SLC37A2: variants seen among roughly 807,000 people sequenced by gnomAD.
SLC37A2 encodes glucose-6-phosphate exchanger SLC37A2.
SLC37A2 carries 59 observed loss-of-function variants against 70.7 expected under a neutral mutation model. The observed-to-expected ratio is 0.83, with a 90% CI of 0.68 to 1.04. The LOEUF is 1.04. Ranked by LOEUF, SLC37A2 falls within the 50% of genes least tolerant of loss-of-function variation. The pLI is 0.00. For synonymous variants in SLC37A2, 257 were observed against 262.1 expected, an observed-to-expected ratio of 0.98 and a Z score of 0.19; for missense variants, 580 against 658.1, an observed-to-expected ratio of 0.88 and a Z score of 1.30.
chr11:125,064,310 A>G (rs1381255773), intron 1 of SLC37A2, among the ~76,000 whole-genome samples: 3 of 152,162 alleles, frequency 2.0e-5, no homozygotes, highest in Non-Finnish European at 2.9e-5. Context: ...AGCCTGGCCA[A>G]CATCGTGAGA....
intron 12 of SLC37A2, 137 bp downstream of exon 12, chr11:125,084,456 C>G (rs867118860): frequency 1.2e-5 from 11 of 915,840 alleles, no homozygotes; most frequent in Non-Finnish European, 1.5e-5. Flanking sequence ...TGTGCACACA[C>G]GGGGGAGGAG....
chr11:125,066,271 G>A (rs1230952955), intron 1 of SLC37A2, among the ~76,000 whole-genome samples: 1 of 152,186 alleles, frequency 6.6e-6, no homozygotes, highest in Non-Finnish European at 1.5e-5. Context: ...AGGCCCAGTG[G>A]CATGCTTACA....
In SLC37A2 at chr11:125,077,462, A is replaced by T; in HGVS notation, c.248A>T (p.Tyr83Phe). Residue 83 changes from tyrosine (Y) to phenylalanine (F), a missense_variant, in exon 4 of 18, where the codon TAT becomes TTT. By Grantham distance (22) the Tyr-to-Phe change is conservative. Coordinates refer to ENST00000403796, the MANE Select transcript of SLC37A2 (RefSeq NM_001145290.2). ...CSWAPFDKDN[Y>F]KELLGGVDNA... ...CATCTGCTTTCAGACAAGGACAACT[A>T]TAAGGAGTTACTAGGGGGCGTGGAC... is the stretch of plus-strand genomic sequence containing the variant. 6.2e-7 allele frequency: 1 copy of T among 1,613,776 alleles called. No homozygotes were observed. Among genetic ancestry groups the T allele is most frequent in the South Asian group, 1.1e-5 (1 of 91,032 alleles).
chr11:125,075,129 C>T (rs1028526876), intron 1 of SLC37A2, among the ~76,000 whole-genome samples: 3 of 152,288 alleles, frequency 2.0e-5, no homozygotes, highest in Admixed American at 6.5e-5. Context: ...AGAGGTGCCA[C>T]GCAAAGCTTC....
chr11:125,079,878 G>A lies in SLC37A2; in HGVS notation c.527+118G>A, dbSNP rs112634701. ...AGGGTCAGAAAGCGGCCTCCACGTT[G>A]CTGTTCACGTGCTTAGAAGTGGCTA... is the stretch of plus-strand genomic sequence containing the variant. On this transcript the variant is annotated intron_variant, in intron 6 of 17. Coordinates refer to ENST00000403796, the MANE Select transcript of SLC37A2 (RefSeq NM_001145290.2). 2.6e-3 allele frequency: 1,975 copies of A among 770,268 alleles called. 27 individuals carry two copies. In the African/African-American group the frequency reaches 0.029, roughly 11 times the overall value. 47.7% of individuals were successfully genotyped at this position (770,268 alleles called of 1,614,324 possible).
chr11:125,076,188 C>T (rs961380615), intron 1 of SLC37A2, among the ~76,000 whole-genome samples: 11 of 152,074 alleles, frequency 7.2e-5, no homozygotes, highest in Non-Finnish European at 1.3e-4. Context: ...GTGGGATGGA[C>T]GGACTGGGAC....
rs1287315642 is a variant in SLC37A2, at chr11:125,083,954, C to T, written c.1039+77C>T. On this transcript the variant is annotated intron_variant, in intron 11 of 17. Coordinates refer to ENST00000403796, the MANE Select transcript of SLC37A2 (RefSeq NM_001145290.2). The surrounding 1 kb of genome is among the most constrained non-coding windows in gnomAD (Gnocchi z 4.6). Reference sequence around the variant, plus strand: ...GGGGTGCAGGAAGAAGGGACAGGTCCGATGGGCTATGACCTGGGTAGGTGG... The same window carrying T: ...GGGGTGCAGGAAGAAGGGACAGGTCTGATGGGCTATGACCTGGGTAGGTGG... 9.8e-6 allele frequency: 14 copies of T among 1,421,394 alleles called. No individual in the cohort carries two copies. The East Asian group carries it at 1.1e-4, about 12-fold the overall frequency. 88.0% of individuals were successfully genotyped at this position (1,421,394 alleles called of 1,614,324 possible). A position where few individuals can be genotyped will look rare whatever the true frequency, so the allele number is the denominator to read the frequency against.
In SLC37A2 at chr11:125,086,011, G is replaced by A; in HGVS notation, c.1483G>A (p.Gly495Ser). The A allele has an allele frequency of 6.2e-7, 1 of 1,614,118 alleles. No homozygotes were observed. Among genetic ancestry groups the A allele is most frequent in the Non-Finnish European group, 8.5e-7 (1 of 1,179,972 alleles). The stretch of plus-strand genomic sequence containing the variant: ...GGCCTGGAAGGTGTCCCTGAGCAGA[G>A]GCAGCGGGTGAGTCCGGGGAGCTGA... ...ILAWKVSLSR[G>S]SGYKEI The change falls in exon 17 of 18, where the codon GGC becomes AGC. Residue 495 changes from glycine to serine, a missense_variant. Transcript: ENST00000403796.
chr11:125,086,348 A>G lies in SLC37A2; in HGVS notation c.1490+330A>G. Reference sequence around the variant, plus strand: ...TCTGTCCTGCAGTATGACTTTTTCCAACTTTCTCTTTCTTCTTGTGGGCCA... The same window carrying G: ...TCTGTCCTGCAGTATGACTTTTTCCGACTTTCTCTTTCTTCTTGTGGGCCA... On this transcript the variant is annotated intron_variant, in intron 17 of 17. Transcript: ENST00000403796. 7.7e-6 allele frequency: 8 copies of G among 1,040,248 alleles called. No individual in the cohort carries two copies. The South Asian group carries it at 1.0e-4, about 13-fold the overall frequency. The allele number at this position is 1,040,248 out of a possible 1,614,324, so 64.4% of individuals were successfully genotyped here. A position where few individuals can be genotyped will look rare whatever the true frequency, so the allele number is the denominator to read the frequency against.
At chr11:125,066,134 G>C (rs1261678341) in intron 1 of SLC37A2, among the ~76,000 whole-genome samples, 1 of 152,236 alleles carries the variant, frequency 6.6e-6, no homozygotes, top group Non-Finnish European at 1.5e-5. Flanking sequence ...TCCTGACTCA[G>C]TCCACTAGTA....
intron 1 of SLC37A2, among the ~76,000 whole-genome samples, chr11:125,065,200 C>T (rs1002128801): frequency 1.1e-4 from 16 of 152,166 alleles, no homozygotes; most frequent in Admixed American, 3.3e-4. Flanking sequence ...TAGTTTTCCA[C>T]GGAAATACAT....
chr11:125,067,217 C>T (rs1162823194), intron 1 of SLC37A2, among the ~76,000 whole-genome samples: 3 of 152,040 alleles, frequency 2.0e-5, no homozygotes, highest in Admixed American at 1.3e-4. Context: ...GGCCTAAAGC[C>T]ATCCTCCTAC....
At chr11:125,072,053 G>T (rs1949034865) in intron 1 of SLC37A2, among the ~76,000 whole-genome samples, 1 of 152,022 alleles carries the variant, frequency 6.6e-6, no homozygotes, top group South Asian at 2.1e-4. Flanking sequence ...GGGAGCCACT[G>T]GGGAACCGGG....
intron 1 of SLC37A2, among the ~76,000 whole-genome samples, chr11:125,066,531 C>A (rs78445962): frequency 0.028 from 4,298 of 152,230 alleles, 201 homozygotes; most frequent in African/African-American, 0.098. Context: ...TGATTAACTT[C>A]TTACTGATAA....
Position 125,079,101 on chromosome 11 carries a change from C to G in SLC37A2, c.315-11C>G. ...GGAGCTTAACCGCAGATCCAACTTTCTCTTCCCCAGTGGGGTTTTTGGGGA... is the reference window on the plus strand; with the variant it reads ...GGAGCTTAACCGCAGATCCAACTTTGTCTTCCCCAGTGGGGTTTTTGGGGA... On this transcript the variant is annotated splice_polypyrimidine_tract_variant and intron_variant, in intron 4 of 17. Transcript: ENST00000403796. 1 of 1,614,112 alleles carries G rather than the reference C, an allele frequency of 6.2e-7. No homozygotes were observed. The highest frequency in any genetic ancestry group is 8.5e-7 in the Non-Finnish European group (1 of 1,179,968).
chr11:125,066,231 G>T (rs1039999427), intron 1 of SLC37A2, among the ~76,000 whole-genome samples: 6 of 152,206 alleles, frequency 3.9e-5, no homozygotes, highest in South Asian at 2.1e-4. Flanking sequence ...GACAGTATTT[G>T]GTTGTTAAAG....
intron 16 of SLC37A2, 33 bp from the exon 17 acceptor site, chr11:125,085,921 C>T (rs1327701841): frequency 6.3e-7 from 1 of 1,598,370 alleles, no homozygotes; most frequent in Non-Finnish European, 8.6e-7. Flanking sequence ...GCTAACAGTG[C>T]CCTCCCTTCC....
chr11:125,085,261 G>C (rs1470705295), intron 14 of SLC37A2, 122 bp downstream of exon 14: 2 of 1,291,856 alleles, frequency 1.5e-6, no homozygotes, highest in Non-Finnish European at 2.2e-6. Context: ...AAGTCCTTCA[G>C]AACGCACCAT....
chr11:125,070,620 G>A (rs1447379614), intron 1 of SLC37A2, among the ~76,000 whole-genome samples: 1 of 152,198 alleles, frequency 6.6e-6, no homozygotes, highest in Non-Finnish European at 1.5e-5. Flanking sequence ...AGAGGTGCAT[G>A]GTAAGGGCAG....
Sources: allele counts gnomAD v4.1 joint callset (sites outside exome capture counted in the v4.1 genomes callset), GRCh38; gene constraint gnomAD v4.1.1; non-coding constraint Gnocchi (gnomAD v3.1); transcripts MANE v1.5; gene names NCBI Gene and HGNC (gene_info 2026-07-23, HGNC 2026-07-21).